The following CEP192 variants were observed in gnomAD, a reference collection of about 807,000 sequenced individuals.
CEP192 encodes centrosomal protein 192, also known as centrosomal protein of 192 kDa.
A neutral mutation model predicts 271.8 loss-of-function variants in CEP192; 151 were observed. The observed-to-expected ratio is 0.56, with a 90% CI of 0.49 to 0.64. The LOEUF is 0.64. CEP192 is among the 30% of genes least tolerant of loss of function. The pLI is 0.00. For synonymous variants in CEP192, 995 were observed against 1,076.5 expected (o/e 0.92, Z 1.48); for missense variants, 2,910 against 3,020.5 (o/e 0.96, Z 0.86).
rs565948559 is a variant in CEP192 at position 13,001,518 on chromosome 18, T to C, written c.226T>C (p.Ser76Pro). The C allele has an allele frequency of 6.4e-7, 1 of 1,551,220 alleles. No individual in the cohort carries two copies. Among genetic ancestry groups the C allele is most frequent in the South Asian group, 1.2e-5 (1 of 84,008 alleles). Residue 76 changes from serine to proline, a missense_variant, in exon 3 of 45, where the codon TCT becomes CCT. Ser to Pro is a moderately conservative substitution (Grantham distance 74, BLOSUM62 -1). Transcript: ENST00000506447. The part of the protein sequence containing the change: ...EGRFSVPSGS[S>P]PGSQSDAEPR... ...GAGATTTTCAGTTCCATCCGGGTCA[T>C]CTCCCGGAAGCCAGAGTGATGCTGA...
At chr18:13,116,527 GT>G in intron 43 of CEP192, 24 bp downstream of exon 43, 2 of 1,571,390 alleles carry the variant, frequency 1.3e-6, no homozygotes. Context: ...ATTACTATGG[GT>G]TTTGGAAAAA....
intron 17 of CEP192, among the ~76,000 whole-genome samples, chr18:13,051,831 A>G (rs964562532): frequency 6.6e-6 from 1 of 152,154 alleles, no homozygotes; most frequent in Non-Finnish European, 1.5e-5. Context: ...GCGTGAGCCA[A>G]CGCACCCAGC....
intron 5 of CEP192, among the ~76,000 whole-genome samples, chr18:13,013,646 T>A (rs931391573): frequency 1.7e-4 from 26 of 152,146 alleles, no homozygotes; most frequent in African/African-American, 6.3e-4. Context: ...GATAGAGGAA[T>A]GCAAGTGACA....
chr18:13,018,683 A>T lies in CEP192; in HGVS notation c.925+68A>T, dbSNP rs1278964682. The T allele has an allele frequency of 4.5e-6, 5 of 1,105,442 alleles. No individual in the cohort carries two copies. In the East Asian group the frequency reaches 1.1e-4, roughly 24 times the overall value. 68.5% of individuals were successfully genotyped at this position (1,105,442 alleles called of 1,614,324 possible). On this transcript the variant is annotated intron_variant, in intron 8 of 44. Transcript: ENST00000506447. ...TTGACTTTACTTTTTTTAAAAAAAA[A>T]ATATTTCTCTGGTATGATTTAGCAT... is the stretch of plus-strand genomic sequence containing the variant.
chr18:13,088,944 A>G, intron 32 of CEP192: 1 of 441,678 alleles, frequency 2.3e-6, no homozygotes, highest in Non-Finnish European at 4.5e-6. Flanking sequence ...GGGATATAGA[A>G]ATCAGCGTAT....
At chr18:13,090,308 C>T (rs1164504449) in intron 33 of CEP192, among the ~76,000 whole-genome samples, 7 of 152,142 alleles carry the variant, frequency 4.6e-5, no homozygotes, top group Non-Finnish European at 1.0e-4. Context: ...TACTGAATGA[C>T]ATGGAAAGCT....
intron 9 of CEP192, among the ~76,000 whole-genome samples, chr18:13,022,760 A>G (rs1237594436): frequency 6.6e-6 from 1 of 152,214 alleles, no homozygotes; most frequent in African/African-American, 2.4e-5. Context: ...AATTGAATGT[A>G]TAGGTGAAGT....
intron 33 of CEP192, among the ~76,000 whole-genome samples, chr18:13,090,713 A>G (rs939522802): frequency 6.6e-6 from 1 of 152,182 alleles, no homozygotes; most frequent in African/African-American, 2.4e-5. Context: ...AGCAAAGGAA[A>G]AAAACCTTGG....
intron 6 of CEP192, among the ~76,000 whole-genome samples, chr18:13,015,671 G>A (rs776157312): frequency 1.1e-4 from 17 of 151,540 alleles, no homozygotes; most frequent in Non-Finnish European, 1.9e-4. Flanking sequence ...GTTTAACATA[G>A]TTAGGGTACA....
intron 30 of CEP192, among the ~76,000 whole-genome samples, chr18:13,077,733 C>T (rs1384909984): frequency 6.6e-6 from 1 of 152,152 alleles, no homozygotes; most frequent in African/African-American, 2.4e-5. Flanking sequence ...TTCTCTGACA[C>T]TGGCTAGACT....
chr18:13,051,555 AT>A (rs1238368208), intron 17 of CEP192, among the ~76,000 whole-genome samples: 1 of 151,576 alleles, frequency 6.6e-6, no homozygotes, highest in African/African-American at 2.4e-5. Context: ...TTTATTTTTT[AT>A]TTTTTTTGAG....
chr18:13,049,310 A>G lies in CEP192; in HGVS notation c.2519A>G (p.Asn840Ser). Residue 840 changes from asparagine (N) to serine (S), a missense_variant, in exon 16 of 45, where the codon AAC becomes AGC. Physicochemically the swap from Asn to Ser is conservative, Grantham distance 46. Coordinates refer to ENST00000506447, the MANE Select transcript of CEP192 (RefSeq NM_032142.4). ...TSVSVRAPEE[N>S]TAAIVYVENG... Reference sequence around the variant, plus strand: ...GTAAGTGTGAGGGCACCAGAAGAAAACACAGCAGCTATTGTTTATGTTGAA... The same window carrying G: ...GTAAGTGTGAGGGCACCAGAAGAAAGCACAGCAGCTATTGTTTATGTTGAA... The G allele has an allele frequency of 6.2e-7, 1 of 1,614,196 alleles. No homozygotes were observed. The highest frequency in any genetic ancestry group is 8.5e-7 in the Non-Finnish European group (1 of 1,180,016).
rs199511750 is a variant in CEP192 at position 12,999,534 on chromosome 18, G to T, written c.110G>T (p.Gly37Val). The change falls in exon 2 of 45, where the codon GGC (glycine) becomes GTC (valine). Residue 37 changes from glycine to valine, a missense_variant. Gly to Val is a moderately radical substitution (Grantham distance 109, BLOSUM62 -3). Coordinates refer to ENST00000506447, the MANE Select transcript of CEP192 (RefSeq NM_032142.4). Reference protein sequence around the residue: ...LENVTLSSNLGLPVAVSTLAR... With the variant: ...LENVTLSSNLVLPVAVSTLAR... Reference sequence around the variant, plus strand: ...AATGTCACTCTTTCTTCAAATCTTGGCTTGCCTGTTGCTGTTTCTACACTT... The same window carrying T: ...AATGTCACTCTTTCTTCAAATCTTGTCTTGCCTGTTGCTGTTTCTACACTT... The T allele has an allele frequency of 1.5e-4, 225 of 1,550,888 alleles. No homozygotes were observed. The highest frequency in any genetic ancestry group is 3.3e-4 in the Middle Eastern group (2 of 5,988).
rs2033536236 is a variant in CEP192, at chr18:13,000,103, T to TCAC, written c.164+515_164+516insCAC. On this transcript the variant is annotated intron_variant, in intron 2 of 44. Transcript: ENST00000506447. ...CATTGTCTTCTCTCTTTTTTTTTTT[T>TCAC]TTTTTTTTTTTTTTTGCTAATTAAA... Among the ~76,000 whole-genome samples the TCAC allele has an allele frequency of 2.9e-5, 4 of 139,190 alleles. No individual in the cohort carries two copies. The South Asian group carries it at 9.2e-4, about 32-fold the overall frequency. 91.3% of individuals were successfully genotyped at this position (139,190 alleles called of 152,430 possible). A position where few individuals can be genotyped will look rare whatever the true frequency, so the allele number is the denominator to read the frequency against.
At chr18:13,076,556 G>A (rs2038294298) in intron 30 of CEP192, among the ~76,000 whole-genome samples, 1 of 152,108 alleles carries the variant, frequency 6.6e-6, no homozygotes, top group Non-Finnish European at 1.5e-5. Context: ...GTAGTAATTT[G>A]TGATTTCTTA....
Position 13,030,498 on chromosome 18 carries a change from A to T in CEP192, c.1424A>T (p.Asn475Ile). The T allele has an allele frequency of 6.2e-7, 1 of 1,611,978 alleles. No individual in the cohort carries two copies. Among genetic ancestry groups the T allele is most frequent in the South Asian group, 1.1e-5 (1 of 90,884 alleles). Reference protein sequence around the residue: ...TDLPQSVVYQNEEGRWVTDLA... With the variant: ...TDLPQSVVYQIEEGRWVTDLA... ...CTCCCACAGAGTGTGGTCTATCAAAATGAAGAGGGTAGGTGGGTCACAGAC... is the reference window on the plus strand; with the variant it reads ...CTCCCACAGAGTGTGGTCTATCAAATTGAAGAGGGTAGGTGGGTCACAGAC... Residue 475 changes from asparagine (N) to isoleucine (I), a missense_variant, in exon 11 of 45, where the codon AAT becomes ATT. Coordinates refer to ENST00000506447, the MANE Select transcript of CEP192 (RefSeq NM_032142.4).
chr18:13,014,756 C>G (rs1458785385), intron 5 of CEP192, among the ~76,000 whole-genome samples: 1 of 152,024 alleles, frequency 6.6e-6, no homozygotes, highest in Admixed American at 6.6e-5. Context: ...AATCAGTGCG[C>G]ATTTTCCAAT....
chr18:13,110,224 C>T (rs1311310867), intron 40 of CEP192, among the ~76,000 whole-genome samples: 1 of 152,092 alleles, frequency 6.6e-6, no homozygotes, highest in Non-Finnish European at 1.5e-5. Flanking sequence ...AATTGAAAGG[C>T]TGATTCTGAA....
At chr18:13,098,549 G>C (rs1189887513) in intron 36 of CEP192, among the ~76,000 whole-genome samples, 1 of 150,378 alleles carries the variant, frequency 6.6e-6, no homozygotes, top group East Asian at 2.0e-4. Context: ...ACTGGGCGGC[G>C]GGGCAGAGGC....
Sources: allele counts gnomAD v4.1 joint callset (sites outside exome capture counted in the v4.1 genomes callset), GRCh38; gene constraint gnomAD v4.1.1; transcripts MANE v1.5; gene names NCBI Gene and HGNC (gene_info 2026-07-23, HGNC 2026-07-21).